SYNPO2: variants seen among roughly 807,000 people sequenced by gnomAD.
SYNPO2 encodes the protein synaptopodin 2.
SYNPO2 carries 56 observed loss-of-function variants against 85.0 expected under a neutral mutation model. That is an observed-to-expected ratio of 0.66 (90% CI 0.53 to 0.82). SYNPO2 has a LOEUF of 0.82. Among genes scored for constraint, SYNPO2 ranks in the 40% least tolerant of loss-of-function variants. The probability of loss-of-function intolerance (pLI) is 0.00; values close to 1 mark genes in which losing one functional copy is unlikely to be tolerated. For missense variants in SYNPO2, 1,575 were observed against 1,534.2 expected, an observed-to-expected ratio of 1.03 and a Z score of -0.44; for synonymous variants, 602 against 591.1, an observed-to-expected ratio of 1.02 and a Z score of -0.27.
intron 2 of SYNPO2, among the ~76,000 whole-genome samples, chr4:119,025,411 A>G (rs141017444): frequency 9.8e-5 from 15 of 152,342 alleles, no homozygotes; most frequent in African/African-American, 3.6e-4. Context: ...ATACTGTATT[A>G]CAGGGAAGCT....
chr4:118,950,820 T>C (rs1734670086), intron 1 of SYNPO2, among the ~76,000 whole-genome samples: 1 of 152,200 alleles, frequency 6.6e-6, no homozygotes, highest in African/African-American at 2.4e-5. Context: ...TTATAGTTAA[T>C]AAAAGGTTGA....
intron 1 of SYNPO2, among the ~76,000 whole-genome samples, chr4:118,962,349 C>G (rs1308483761): frequency 6.6e-6 from 1 of 152,112 alleles, no homozygotes; most frequent in Non-Finnish European, 1.5e-5. Flanking sequence ...TTACTAGAGG[C>G]AGATGTGCCT....
intron 1 of SYNPO2, among the ~76,000 whole-genome samples, chr4:119,007,237 T>TGTATATAC (rs1560971985): frequency 1.9e-5 from 1 of 52,704 alleles, no homozygotes; most frequent in Non-Finnish European, 3.5e-5. Context: ...TATATATATA[T>TGTATATAC]ATATATATGT....
At position 118,878,747 on chromosome 4, in the gene SYNPO2, A is replaced by G. The variant is rs184713065; in HGVS notation, c.12+27807A>G. On this transcript the variant is annotated intron_variant, in intron 1 of 4. Transcript: ENST00000610556. ...AGCACTCTGTAAAAACGCACCAATCAGCACTCTGTAAAATGAACCAATCAG... is the reference window on the plus strand; with the variant it reads ...AGCACTCTGTAAAAACGCACCAATCGGCACTCTGTAAAATGAACCAATCAG... 2.6e-4 allele frequency among the ~76,000 whole-genome samples: 40 copies of G among 152,320 alleles called. No individual in the cohort carries two copies. The South Asian group carries it at 5.0e-3, about 19-fold the overall frequency.
At chr4:119,049,772 TG>T (rs1738977759) in intron 4 of SYNPO2, among the ~76,000 whole-genome samples, 1 of 152,214 alleles carries the variant, frequency 6.6e-6, no homozygotes, top group South Asian at 2.1e-4. Context: ...AGATGGTTTA[TG>T]TTAAGCTGAG....
chr4:119,009,529 T>TAC (rs1180699298), intron 1 of SYNPO2, among the ~76,000 whole-genome samples: 1 of 151,986 alleles, frequency 6.6e-6, no homozygotes, highest in Non-Finnish European at 1.5e-5. Flanking sequence ...CACACACACA[T>TAC]ACACACACAC....
At chr4:118,911,499 G>GC (rs1733134504) in intron 1 of SYNPO2, among the ~76,000 whole-genome samples, 1 of 152,114 alleles carries the variant, frequency 6.6e-6, no homozygotes, top group Non-Finnish European at 1.5e-5. Context: ...ATACCAGAAT[G>GC]TTCATCTCTG....
intron 1 of SYNPO2, among the ~76,000 whole-genome samples, chr4:118,909,448 C>T (rs755345810): frequency 2.6e-5 from 4 of 152,108 alleles, no homozygotes; most frequent in East Asian, 1.9e-4. Flanking sequence ...CCTGGACTTG[C>T]CCAGGAACAC....
chr4:119,051,808 A>G (rs972189224), intron 4 of SYNPO2, among the ~76,000 whole-genome samples: 2 of 152,166 alleles, frequency 1.3e-5, no homozygotes, highest in Non-Finnish European at 2.9e-5. Flanking sequence ...CTGCCCACTG[A>G]AGTGAGATTC....
At chr4:119,028,074 G>A (rs1738048160) in intron 3 of SYNPO2, among the ~76,000 whole-genome samples, 1 of 152,136 alleles carries the variant, frequency 6.6e-6, no homozygotes, top group African/African-American at 2.4e-5. Flanking sequence ...GCATTTAAAT[G>A]TCTCCAAACA....
chr4:118,906,209 GC>G (rs1166046293), intron 1 of SYNPO2, among the ~76,000 whole-genome samples: 1 of 151,954 alleles, frequency 6.6e-6, no homozygotes, highest in Admixed American at 6.6e-5. Context: ...CTGAGGTTTT[GC>G]TTTTTTTTAA....
At chr4:118,878,975 A>G (rs1731995582) in intron 1 of SYNPO2, among the ~76,000 whole-genome samples, 1 of 152,176 alleles carries the variant, frequency 6.6e-6, no homozygotes, top group East Asian at 1.9e-4. Context: ...ACTCACTGCG[A>G]AGGTCTGTGG....
At chr4:118,875,319 CTA>C (rs1207219747) in intron 1 of SYNPO2, among the ~76,000 whole-genome samples, 3 of 152,020 alleles carry the variant, frequency 2.0e-5, no homozygotes, top group Non-Finnish European at 2.9e-5. Context: ...ACTTTTTTCT[CTA>C]TTTTTTTGGT....
At chr4:119,026,185 C>A (rs1303748950) in intron 2 of SYNPO2, among the ~76,000 whole-genome samples, 1 of 152,136 alleles carries the variant, frequency 6.6e-6, no homozygotes, top group East Asian at 1.9e-4. Flanking sequence ...GTTGAGTTAT[C>A]TGTAAGTTAA....
intron 1 of SYNPO2, among the ~76,000 whole-genome samples, chr4:118,984,940 T>C (rs1383499028): frequency 6.6e-6 from 1 of 152,222 alleles, no homozygotes; most frequent in Non-Finnish European, 1.5e-5. Context: ...GGCATCTTTT[T>C]GTCATTTACT....
intron 1 of SYNPO2, among the ~76,000 whole-genome samples, chr4:118,949,539 C>T (rs375126514): frequency 7.3e-5 from 11 of 150,304 alleles, no homozygotes; most frequent in East Asian, 5.9e-4. Flanking sequence ...GTCAGGAGTT[C>T]GAGACCAGCC....
At chr4:119,029,701 G>A (rs1738128781) in intron 3 of SYNPO2, 144 bp from the exon 4 acceptor site, 3 of 745,742 alleles carry the variant, frequency 4.0e-6, no homozygotes, top group South Asian at 5.9e-5. Context: ...AAAAAGAAAT[G>A]TGTTGGATTC....
chr4:118,863,069 A>G (rs1731638610), intron 1 of SYNPO2, among the ~76,000 whole-genome samples: 1 of 152,166 alleles, frequency 6.6e-6, no homozygotes, highest in South Asian at 2.1e-4. Flanking sequence ...TTAGCCTTCC[A>G]AAGTGCTGGG....
Position 119,031,726 on chromosome 4 carries a change from C to G in SYNPO2, c.2951C>G (p.Ala984Gly), listed in dbSNP as rs201844261. Residue 984 changes from alanine to glycine, a missense_variant, in exon 4 of 5, where the codon GCA (alanine) becomes GGA (glycine). Transcript: ENST00000307142. Reference sequence around the variant, plus strand: ...TTGTTTACTTTCCAACCTCCAGATGCAAAGGATGGCCTCCCCCAGAAGTCA... The same window carrying G: ...TTGTTTACTTTCCAACCTCCAGATGGAAAGGATGGCCTCCCCCAGAAGTCA... The part of the protein sequence containing the change: ...ASLFTFQPPD[A>G]KDGLPQKSSV... The G allele has an allele frequency of 2.6e-5, 42 of 1,614,202 alleles. No homozygotes were observed. In the Admixed American group the frequency reaches 6.7e-4, roughly 26 times the overall value.
Sources: allele counts gnomAD v4.1 joint callset (sites outside exome capture counted in the v4.1 genomes callset), GRCh38; gene constraint gnomAD v4.1.1; transcripts MANE v1.5; gene names NCBI Gene and HGNC (gene_info 2026-07-23, HGNC 2026-07-21).